DLGAP1: variants seen among roughly 807,000 people sequenced by gnomAD.
DLGAP1 encodes the protein DLG associated protein 1.
In DLGAP1, 11 loss-of-function variants were observed where a neutral mutation model predicts 90.8. That is an observed-to-expected ratio of 0.12 (90% CI 0.08 to 0.20). The LOEUF (loss-of-function observed/expected upper bound fraction) is 0.20, where lower values mean the gene tolerates loss of function less well. Ranked by LOEUF, DLGAP1 falls within the 10% of genes least tolerant of loss-of-function variation. DLGAP1 has a pLI of 1.00. For missense variants in DLGAP1, 1,050 were observed against 1,333.8 expected (o/e 0.79, Z 3.31); for synonymous variants, 558 against 540.7 (o/e 1.03, Z -0.44).
At chr18:3,772,392 C>CT (rs1237864096) in intron 5 of DLGAP1, among the ~76,000 whole-genome samples, 19 of 42,806 alleles carry the variant, frequency 4.4e-4, no homozygotes, top group African/African-American at 1.2e-3. Context: ...TTCTTTCTTT[C>CT]TTTCTTTCTT....
chr18:4,126,602 A>G (rs774347005), intron 2 of DLGAP1, among the ~76,000 whole-genome samples: 1 of 152,216 alleles, frequency 6.6e-6, no homozygotes, highest in Non-Finnish European at 1.5e-5. Context: ...CCCTGCATTT[A>G]TAGTTCTAAA....
At chr18:3,531,208 G>C (rs963824256) in intron 10 of DLGAP1, among the ~76,000 whole-genome samples, 1 of 152,038 alleles carries the variant, frequency 6.6e-6, no homozygotes, top group Admixed American at 6.6e-5. Context: ...AGGCCGAGAC[G>C]GGTGGATCAC....
intron 9 of DLGAP1, among the ~76,000 whole-genome samples, chr18:3,558,811 A>T (rs1364955196): frequency 6.6e-6 from 1 of 152,060 alleles, no homozygotes; most frequent in Non-Finnish European, 1.5e-5. Context: ...TTGTTTTCTT[A>T]TCCACTCTGA....
At chr18:3,741,578 CCACCAT>C (rs990433783) in intron 6 of DLGAP1, among the ~76,000 whole-genome samples, 2 of 151,660 alleles carry the variant, frequency 1.3e-5, no homozygotes, top group Non-Finnish European at 2.9e-5. Flanking sequence ...ATCACTGCTA[CCACCAT>C]CACCATCACC....
intron 3 of DLGAP1, among the ~76,000 whole-genome samples, chr18:3,943,368 G>T (rs1183042256): frequency 6.6e-6 from 1 of 151,466 alleles, no homozygotes; most frequent in Non-Finnish European, 1.5e-5. Flanking sequence ...TTTTATTTTG[G>T]TATCATCAAA....
At chr18:3,812,573 G>C (rs1318596550) in intron 5 of DLGAP1, among the ~76,000 whole-genome samples, 1 of 152,138 alleles carries the variant, frequency 6.6e-6, no homozygotes, top group East Asian at 1.9e-4. Flanking sequence ...AGTAATAAAG[G>C]CAAAGAGGAA....
At chr18:4,308,994 C>A (rs2080332924) in intron 1 of DLGAP1, among the ~76,000 whole-genome samples, 1 of 152,182 alleles carries the variant, frequency 6.6e-6, no homozygotes, top group African/African-American at 2.4e-5. Flanking sequence ...GTCATTATAA[C>A]AACTAAGTCA....
intron 5 of DLGAP1, among the ~76,000 whole-genome samples, chr18:3,808,249 A>G (rs2066661610): frequency 6.6e-6 from 1 of 152,192 alleles, no homozygotes; most frequent in Non-Finnish European, 1.5e-5. Context: ...CGCGTTTCTT[A>G]TTATATTGGA....
At chr18:3,882,404 A>G (rs148915955) in intron 3 of DLGAP1, among the ~76,000 whole-genome samples, 38 of 151,656 alleles carry the variant, frequency 2.5e-4, no homozygotes, top group African/African-American at 8.5e-4. Flanking sequence ...GTGGTGGTGC[A>G]TGCCTGTAGT....
intron 2 of DLGAP1, among the ~76,000 whole-genome samples, chr18:4,060,654 C>T (rs1034900464): frequency 6.6e-6 from 1 of 152,144 alleles, no homozygotes; most frequent in African/African-American, 2.4e-5. Flanking sequence ...ACTTGCAGTA[C>T]AAACAACTTC....
rs570110555 is a variant in DLGAP1, at chr18:4,384,242, C to T, written c.-267+70764G>A. Among the ~76,000 whole-genome samples the T allele has an allele frequency of 4.3e-4, 66 of 152,132 alleles. 1 individual carries two copies. The highest frequency in any genetic ancestry group is 7.9e-4 in the Non-Finnish European group (54 of 68,012). Reference sequence around the variant, plus strand: ...CAGAGCTAAATTTTCATTGTGAAGGCAACTGCACACACTAAGTCTGATTTC... The same window carrying T: ...CAGAGCTAAATTTTCATTGTGAAGGTAACTGCACACACTAAGTCTGATTTC... On this transcript the variant is annotated intron_variant, in intron 1 of 12. Coordinates refer to ENST00000315677, the MANE Select transcript of DLGAP1 (RefSeq NM_004746.4).
intron 7 of DLGAP1, among the ~76,000 whole-genome samples, chr18:3,684,435 G>C (rs1033897551): frequency 7.3e-5 from 11 of 150,592 alleles, no homozygotes; most frequent in African/African-American, 2.7e-4. Flanking sequence ...CTTGAGCTCG[G>C]GTAATCCTCC....
intron 7 of DLGAP1, among the ~76,000 whole-genome samples, chr18:3,724,201 G>T (rs1464967749): frequency 6.6e-6 from 1 of 152,032 alleles, no homozygotes; most frequent in Non-Finnish European, 1.5e-5. Context: ...GGGCACAGTG[G>T]CATGTGCCTG....
intron 2 of DLGAP1, among the ~76,000 whole-genome samples, chr18:4,105,957 G>A (rs1192992683): frequency 1.3e-5 from 2 of 150,910 alleles, no homozygotes; most frequent in African/African-American, 4.9e-5. Context: ...GCGTGAACCC[G>A]GGAGGCGGAG....
Position 4,342,130 on chromosome 18 carries a change from A to G in DLGAP1, c.-267+112876T>C, listed in dbSNP as rs537247687. On this transcript the variant is annotated intron_variant, in intron 1 of 12. Transcript: ENST00000315677. The surrounding 1 kb of genome is among the most constrained non-coding windows in gnomAD (Gnocchi z 5.8). The stretch of plus-strand genomic sequence containing the variant: ...CCAAATCCATAGAATTTTAAAAGAC[A>G]CAAGATTCAATACCTGGCAATATTC... 6.6e-6 allele frequency among the ~76,000 whole-genome samples: 1 copy of G among 152,232 alleles called. No homozygotes were observed. Among genetic ancestry groups the G allele is most frequent in the East Asian group, 1.9e-4 (1 of 5,172 alleles).
At chr18:3,801,190 G>A (rs1205541463) in intron 5 of DLGAP1, among the ~76,000 whole-genome samples, 1 of 152,172 alleles carries the variant, frequency 6.6e-6, no homozygotes, top group African/African-American at 2.4e-5. Context: ...CCGCCCCCAA[G>A]ACCCAAACAC....
At chr18:3,787,890 A>G (rs529476164) in intron 5 of DLGAP1, among the ~76,000 whole-genome samples, 13 of 152,084 alleles carry the variant, frequency 8.5e-5, no homozygotes, top group Non-Finnish European at 1.9e-4. Context: ...TCACCTGCCT[A>G]AAGTCTGGAC....
At chr18:4,368,720 C>T (rs1028808266) in intron 1 of DLGAP1, among the ~76,000 whole-genome samples, 2 of 150,070 alleles carry the variant, frequency 1.3e-5, no homozygotes, top group African/African-American at 4.9e-5. Context: ...ACCATGACTA[C>T]TGTAGATTTA....
At chr18:4,085,030 G>A (rs2075662373) in intron 2 of DLGAP1, among the ~76,000 whole-genome samples, 1 of 152,108 alleles carries the variant, frequency 6.6e-6, no homozygotes, top group Admixed American at 6.6e-5. Flanking sequence ...GAACCAGGGA[G>A]GTTTTCTGTA....
Sources: allele counts gnomAD v4.1 joint callset (sites outside exome capture counted in the v4.1 genomes callset), GRCh38; gene constraint gnomAD v4.1.1; non-coding constraint Gnocchi (gnomAD v3.1); transcripts MANE v1.5; gene names NCBI Gene and HGNC (gene_info 2026-07-23, HGNC 2026-07-21).